LDLRAD4: variants seen among roughly 807,000 people sequenced by gnomAD.
LDLRAD4 encodes low-density lipoprotein receptor class A domain-containing protein 4.
LDLRAD4 carries 5 observed loss-of-function variants against 17.0 expected under a neutral mutation model. The observed-to-expected ratio is 0.29, with a 90% CI of 0.15 to 0.62. The LOEUF (loss-of-function observed/expected upper bound fraction) is 0.62, where lower values mean the gene tolerates loss of function less well. Ranked by LOEUF, LDLRAD4 falls within the 20% of genes least tolerant of loss-of-function variation. The probability of loss-of-function intolerance (pLI) is 0.84; values close to 1 mark genes in which losing one functional copy is unlikely to be tolerated. For missense variants in LDLRAD4, 340 were observed against 424.7 expected, an observed-to-expected ratio of 0.80 and a Z score of 1.75; for synonymous variants, 168 against 171.8, an observed-to-expected ratio of 0.98 and a Z score of 0.17.
intron 1 of LDLRAD4, among the ~76,000 whole-genome samples, chr18:13,229,282 G>A (rs1598772334): frequency 2.0e-5 from 3 of 152,276 alleles, no homozygotes; most frequent in South Asian, 4.1e-4. Context: ...CTGTGCTGCC[G>A]GGCCCCTTGA....
At chr18:13,292,817 T>C (rs1030611652) in intron 1 of LDLRAD4, among the ~76,000 whole-genome samples, 1 of 152,240 alleles carries the variant, frequency 6.6e-6, no homozygotes, top group African/African-American at 2.4e-5. Context: ...TACAAGTTTT[T>C]CATTGGCGAT....
chr18:13,336,942 A>G (rs2082132254), intron 1 of LDLRAD4, among the ~76,000 whole-genome samples: 2 of 151,998 alleles, frequency 1.3e-5, no homozygotes, highest in African/African-American at 4.8e-5. Context: ...CACTTTTTTT[A>G]TAGAATAACT....
intron 3 of LDLRAD4, among the ~76,000 whole-genome samples, chr18:13,547,284 CT>C (rs2094378939): frequency 6.6e-6 from 1 of 152,216 alleles, no homozygotes; most frequent in African/African-American, 2.4e-5. Flanking sequence ...AAAGCTAAAA[CT>C]ATTTGAAAAA....
chr18:13,623,833 C>A (rs187325409), intron 4 of LDLRAD4, among the ~76,000 whole-genome samples: 1 of 152,178 alleles, frequency 6.6e-6, no homozygotes, highest in Admixed American at 6.5e-5. Flanking sequence ...AATGCCCCCA[C>A]GCAGCCAGGC....
At chr18:13,429,047 G>C (rs750738655) in intron 2 of LDLRAD4, among the ~76,000 whole-genome samples, 1 of 152,170 alleles carries the variant, frequency 6.6e-6, no homozygotes, top group Non-Finnish European at 1.5e-5. Flanking sequence ...AGCCAAGGGT[G>C]AGCTGGAGCA....
chr18:13,371,640 C>T (rs2084519995), intron 1 of LDLRAD4, among the ~76,000 whole-genome samples: 1 of 152,076 alleles, frequency 6.6e-6, no homozygotes, highest in Non-Finnish European at 1.5e-5. Context: ...TGGTGTACAC[C>T]TGTAATCCCA....
At chr18:13,557,675 C>T (rs1392629351) in intron 3 of LDLRAD4, among the ~76,000 whole-genome samples, 1 of 152,252 alleles carries the variant, frequency 6.6e-6, no homozygotes, top group South Asian at 2.1e-4. Context: ...ACTGTGATTA[C>T]AGGCGTGAGC....
intron 3 of LDLRAD4, among the ~76,000 whole-genome samples, chr18:13,564,598 A>C (rs1403400219): frequency 1.3e-5 from 2 of 151,270 alleles, no homozygotes; most frequent in Non-Finnish European, 3.0e-5. Context: ...AAAAAAAAAA[A>C]AAAAAAAACT....
chr18:13,463,381 G>A (rs1482801043), intron 3 of LDLRAD4, among the ~76,000 whole-genome samples: 4 of 152,130 alleles, frequency 2.6e-5, no homozygotes, highest in African/African-American at 9.7e-5. Context: ...CAAACCCACC[G>A]GCATCCCAGG....
At chr18:13,575,519 G>A (rs2094756496) in intron 3 of LDLRAD4, among the ~76,000 whole-genome samples, 1 of 152,200 alleles carries the variant, frequency 6.6e-6, no homozygotes, top group Non-Finnish European at 1.5e-5. Flanking sequence ...GAATTGTGCT[G>A]CTATAAACAT....
intron 3 of LDLRAD4, among the ~76,000 whole-genome samples, chr18:13,506,637 A>T (rs2093698327): frequency 6.6e-6 from 1 of 152,166 alleles, no homozygotes; most frequent in Non-Finnish European, 1.5e-5. Flanking sequence ...GCACTAAACA[A>T]CAGATTTTCA....
chr18:13,415,135 G>A (rs1026228330), intron 2 of LDLRAD4, among the ~76,000 whole-genome samples: 2 of 152,178 alleles, frequency 1.3e-5, no homozygotes, highest in African/African-American at 2.4e-5. Context: ...TGGTTGTGGG[G>A]GCATCTGTTG....
chr18:13,488,087 A>G (rs2093274293), intron 3 of LDLRAD4: 1 of 152,406 alleles, frequency 6.6e-6, no homozygotes, highest in East Asian at 1.9e-4. Flanking sequence ...CCTTGAGTTC[A>G]GCACCTCTCC....
intron 3 of LDLRAD4, among the ~76,000 whole-genome samples, chr18:13,511,532 C>T (rs2093778845): frequency 6.6e-6 from 1 of 152,120 alleles, no homozygotes; most frequent in African/African-American, 2.4e-5. Flanking sequence ...AATAGTCACA[C>T]AGGTTATCAG....
intron 1 of LDLRAD4, among the ~76,000 whole-genome samples, chr18:13,245,139 C>T (rs1330586435): frequency 2.0e-5 from 3 of 152,172 alleles, no homozygotes; most frequent in Non-Finnish European, 4.4e-5. Context: ...GTGGAGAAAC[C>T]TCAGGGGCAA....
chr18:13,274,023 T>C (rs1210808011), upstream of LDLRAD4, among the ~76,000 whole-genome samples: 1 of 152,090 alleles, frequency 6.6e-6, no homozygotes. Flanking sequence ...CCTGGTGCCA[T>C]AGGGTATGGC....
At chr18:13,299,961 T>TCCC (rs1326946407) in intron 1 of LDLRAD4, among the ~76,000 whole-genome samples, 1 of 152,202 alleles carries the variant, frequency 6.6e-6, no homozygotes, top group Non-Finnish European at 1.5e-5. Flanking sequence ...AGGATATTTT[T>TCCC]CCCCACACTG....
rs1282848838 is a variant in LDLRAD4, at chr18:13,450,237, C to T, written c.181+11853C>T. 1.3e-3 allele frequency among the ~76,000 whole-genome samples: 195 copies of T among 151,914 alleles called. 3 individuals carry two copies. The highest frequency in any genetic ancestry group is 1.6e-4 in the Non-Finnish European group (11 of 67,986). On this transcript the variant is annotated intron_variant, in intron 3 of 5. Coordinates refer to ENST00000359446, the Ensembl canonical transcript of LDLRAD4. ...ATCAGCGGCTGCTGCCTCCTCTCACCCTTCTGGTTCAGTGTCTGCTCTCAT... is the reference window on the plus strand; with the variant it reads ...ATCAGCGGCTGCTGCCTCCTCTCACTCTTCTGGTTCAGTGTCTGCTCTCAT...
intron 4 of LDLRAD4, among the ~76,000 whole-genome samples, chr18:13,627,185 C>T (rs1380043346): frequency 6.6e-6 from 1 of 152,196 alleles, no homozygotes; most frequent in African/African-American, 2.4e-5. Context: ...GCAAGAGAAT[C>T]TGGAGGCAGA....
Sources: allele counts gnomAD v4.1 joint callset (sites outside exome capture counted in the v4.1 genomes callset), GRCh38; gene constraint gnomAD v4.1.1; transcripts MANE v1.5; gene names NCBI Gene and HGNC (gene_info 2026-07-23, HGNC 2026-07-21).